The following TSPAN9 variants were observed in gnomAD, a reference collection of about 807,000 sequenced individuals.
The protein encoded by TSPAN9 is tetraspanin 9.
Under a neutral mutation model 31.0 loss-of-function variants are expected in TSPAN9, and 16 were observed. That is an observed-to-expected ratio of 0.52 (90% confidence interval 0.35 to 0.78). The LOEUF is 0.78. Ranked by LOEUF, TSPAN9 falls within the 30% of genes least tolerant of loss-of-function variation. The probability of loss-of-function intolerance (pLI) is 0.01; values close to 1 mark genes in which losing one functional copy is unlikely to be tolerated. For synonymous variants in TSPAN9, 145 were observed against 121.6 expected (o/e 1.19, Z -1.27); for missense variants, 272 against 312.5 (o/e 0.87, Z 0.98).
At chr12:3,198,154 C>A (rs2098368318) in intron 2 of TSPAN9, among the ~76,000 whole-genome samples, 1 of 89,638 alleles carries the variant, frequency 1.1e-5, no homozygotes, top group Admixed American at 1.2e-4. Flanking sequence ...TCACCACCAG[C>A]ACAGGCCACC....
intron 2 of TSPAN9, chr12:3,200,707 G>C (rs1406454111): frequency 6.5e-6 from 1 of 152,686 alleles, no homozygotes; most frequent in Non-Finnish European, 1.5e-5. Flanking sequence ...GCGCCGCAGA[G>C]CCCTCCCGGG....
chr12:3,278,358 T>C, intron 3 of TSPAN9, 63 bp from the exon 4 acceptor site: 1 of 1,588,936 alleles, frequency 6.3e-7, no homozygotes, highest in Non-Finnish European at 8.6e-7. Flanking sequence ...ACCTGCACTG[T>C]TCCCAGGTCC....
chr12:3,219,815 C>A, intron 3 of TSPAN9, among the ~76,000 whole-genome samples: 1 of 144,922 alleles, frequency 6.9e-6, no homozygotes, highest in African/African-American at 2.6e-5. Context: ...CAAACCTGCA[C>A]ATTCTGCACA....
intron 3 of TSPAN9, among the ~76,000 whole-genome samples, chr12:3,255,145 G>T (rs1219198833): frequency 6.6e-6 from 1 of 152,254 alleles, no homozygotes; most frequent in African/African-American, 2.4e-5. Context: ...ACGCAGCTGA[G>T]CAGGAGGGCT....
At chr12:3,162,789 C>G (rs139574048) in intron 2 of TSPAN9, among the ~76,000 whole-genome samples, 44 of 152,310 alleles carry the variant, frequency 2.9e-4, no homozygotes, top group South Asian at 1.2e-3. Context: ...ATACCAGGCT[C>G]TAGGCTACAT....
intron 2 of TSPAN9, among the ~76,000 whole-genome samples, chr12:3,118,397 G>A (rs373601600): frequency 1.3e-5 from 2 of 151,200 alleles, no homozygotes; most frequent in Non-Finnish European, 2.9e-5. Context: ...GAGTAGCTGG[G>A]ATGACAGGCA....
intron 2 of TSPAN9, among the ~76,000 whole-genome samples, chr12:3,099,585 T>C (rs2098310841): frequency 6.6e-6 from 1 of 152,268 alleles, no homozygotes; most frequent in South Asian, 2.1e-4. Context: ...TGATTTTTAA[T>C]TGGATGCCAG....
At chr12:3,232,554 G>A (rs1173720001) in intron 3 of TSPAN9, among the ~76,000 whole-genome samples, 1 of 152,232 alleles carries the variant, frequency 6.6e-6, no homozygotes, top group Non-Finnish European at 1.5e-5. Flanking sequence ...AAATCGGGTG[G>A]TTTTGAGGCC....
intron 2 of TSPAN9, among the ~76,000 whole-genome samples, chr12:3,193,391 G>A (rs544544736): frequency 6.6e-6 from 1 of 152,148 alleles, no homozygotes; most frequent in Non-Finnish European, 1.5e-5. Context: ...CTCCTGGCTG[G>A]GGCAGGATTG....
At chr12:3,247,233 T>C (rs551552712) in intron 3 of TSPAN9, among the ~76,000 whole-genome samples, 2 of 149,160 alleles carry the variant, frequency 1.3e-5, no homozygotes, top group East Asian at 3.9e-4. Context: ...TGAAACTTAC[T>C]AAAGGCAGAG....
chr12:3,232,492 C>T (rs2098391272), intron 3 of TSPAN9, among the ~76,000 whole-genome samples: 1 of 152,224 alleles, frequency 6.6e-6, no homozygotes, highest in Non-Finnish European at 1.5e-5. Flanking sequence ...GCCTTCTGCT[C>T]CCTGCAATTG....
intron 3 of TSPAN9, among the ~76,000 whole-genome samples, chr12:3,266,043 G>A (rs1228270216): frequency 2.0e-5 from 3 of 152,002 alleles, no homozygotes; most frequent in Non-Finnish European, 4.4e-5. Flanking sequence ...CCCCACTAGT[G>A]TCTTCACCAA....
At chr12:3,151,660 G>C (rs2098339796) in intron 2 of TSPAN9, among the ~76,000 whole-genome samples, 1 of 152,092 alleles carries the variant, frequency 6.6e-6, no homozygotes, top group African/African-American at 2.4e-5. Flanking sequence ...CCATTTCCAG[G>C]GTCTTCTTCC....
At chr12:3,160,058 AC>A (rs923992361) in intron 2 of TSPAN9, among the ~76,000 whole-genome samples, 2 of 151,928 alleles carry the variant, frequency 1.3e-5, no homozygotes, top group Non-Finnish European at 2.9e-5. Flanking sequence ...GAAACCCCAT[AC>A]CCACTGGAAG....
chr12:3,208,754 A>G (rs1386278042), intron 3 of TSPAN9, among the ~76,000 whole-genome samples: 1 of 152,240 alleles, frequency 6.6e-6, no homozygotes, highest in Non-Finnish European at 1.5e-5. Flanking sequence ...AGCCTAGCTT[A>G]TGAAATAGAG....
At chr12:3,164,187 G>GAAAGAAGCAAAAAC (rs2098347067) in intron 2 of TSPAN9, among the ~76,000 whole-genome samples, 1 of 152,202 alleles carries the variant, frequency 6.6e-6, no homozygotes, top group Non-Finnish European at 1.5e-5. Context: ...CTTTCCTAAG[G>GAAAGAAGCAAAAAC]TGCTTTCGTA....
At chr12:3,205,111 T>A (rs557075012) in intron 3 of TSPAN9, among the ~76,000 whole-genome samples, 85 of 148,808 alleles carry the variant, frequency 5.7e-4, no homozygotes, top group South Asian at 6.7e-4. Context: ...TCCTGTCTGA[T>A]GTGGAGGGGT....
intron 3 of TSPAN9, among the ~76,000 whole-genome samples, chr12:3,203,794 AGTGTTTGCCACT>A (rs1014127813): frequency 6.6e-6 from 1 of 152,166 alleles, no homozygotes; most frequent in Non-Finnish European, 1.5e-5. Context: ...TGTGTGTAAG[AGTGTTTGCCACT>A]GTGTTTATCG....
chr12:3,095,822 GC>G (rs1415476241), intron 2 of TSPAN9, among the ~76,000 whole-genome samples: 45 of 148,078 alleles, frequency 3.0e-4, no homozygotes, highest in African/African-American at 1.1e-3. Flanking sequence ...TGGGATGGCG[GC>G]CGGGCGGAGA....
Sources: gnomAD v4.1 joint callset for allele counts (sites outside exome capture counted in the v4.1 genomes callset) on GRCh38, gnomAD v4.1.1 for gene constraint, MANE v1.5 for transcripts, NCBI Gene and HGNC (gene_info 2026-07-23, HGNC 2026-07-21) for gene names.